CCZ1B: variants seen among roughly 807,000 people sequenced by gnomAD.
CCZ1B encodes vacuolar fusion protein CCZ1 homolog B.
A neutral mutation model predicts 58.8 loss-of-function variants in CCZ1B; 25 were observed. The observed-to-expected ratio is 0.43, with a 90% CI of 0.31 to 0.59. The LOEUF is 0.59. Ranked by LOEUF, CCZ1B falls within the 20% of genes least tolerant of loss-of-function variation. CCZ1B has a pLI of 0.12. For missense variants in CCZ1B, 180 were observed against 501.5 expected (o/e 0.36, Z 6.12); for synonymous variants, 66 against 173.2 (o/e 0.38, Z 4.86).
chr7:6,811,930 C>T, intron 10 of CCZ1B, 22 bp downstream of exon 10: 1 of 1,596,058 alleles, frequency 6.3e-7, no homozygotes, highest in Non-Finnish European at 8.5e-7. Flanking sequence ...ATCATTAACG[C>T]TGGAAGGAAA....
chr7:6,817,634 T>C (rs1168090459), intron 7 of CCZ1B, among the ~76,000 whole-genome samples: 1 of 149,866 alleles, frequency 6.7e-6, no homozygotes, highest in Non-Finnish European at 1.5e-5. Flanking sequence ...AATTTCACTT[T>C]AGTAACATTG....
rs1440794304 is a variant in CCZ1B, at chr7:6,820,353, C to T, written c.523-412G>A. On this transcript the variant is annotated intron_variant, in intron 6 of 14. Transcript: ENST00000316731. ...GCCACCATGCCCAGCTATTTTTTTC[C>T]ATTTTTAGTAGAGACAGGGTTTCAC... is the stretch of plus-strand genomic sequence containing the variant. Among the ~76,000 whole-genome samples the T allele has an allele frequency of 2.7e-5, 4 of 148,940 alleles. 1 individual carries two copies. Among genetic ancestry groups the T allele is most frequent in the African/African-American group, 1.0e-4 (4 of 39,460 alleles).
chr7:6,824,321 T>G (rs1234665248), intron 3 of CCZ1B, 134 bp downstream of exon 3: 1 of 1,413,248 alleles, frequency 7.1e-7, no homozygotes, highest in Non-Finnish European at 9.4e-7. Flanking sequence ...GAACTTGATT[T>G]TAAAATTGCA....
At chr7:6,822,015 G>A (rs1490669285) in intron 6 of CCZ1B, among the ~76,000 whole-genome samples, 3 of 149,398 alleles carry the variant, frequency 2.0e-5, no homozygotes, top group Non-Finnish European at 4.4e-5. Flanking sequence ...AAAACACAGG[G>A]AGGCCAAACG....
At chr7:6,815,452 T>G (rs1782985663) in intron 7 of CCZ1B, among the ~76,000 whole-genome samples, 1 of 149,344 alleles carries the variant, frequency 6.7e-6, no homozygotes, top group Non-Finnish European at 1.5e-5. Context: ...TGTGAGCCAC[T>G]GTGCCTGGTC....
At chr7:6,808,397 A>C (rs1782865924) in intron 10 of CCZ1B, among the ~76,000 whole-genome samples, 1 of 67,428 alleles carries the variant, frequency 1.5e-5, no homozygotes, top group African/African-American at 5.6e-5. Context: ...AAAAAAAAAA[A>C]ACAAAAAACA....
chr7:6,813,185 A>G lies in CCZ1B; in HGVS notation c.781-148T>C, dbSNP rs531646456. ...ATCTTGTTCTGTTGCCCAGGCTGGA[A>G]TGCATGCAGCATGATCATGGCTCAC... On this transcript the variant is annotated intron_variant, in intron 8 of 14. Coordinates refer to ENST00000316731, the MANE Select transcript of CCZ1B (RefSeq NM_198097.5). 1.4e-3 allele frequency: 2,033 copies of G among 1,486,190 alleles called. 35 individuals are homozygous for G. The highest frequency in any genetic ancestry group is 1.8e-3 in the Non-Finnish European group (1,921 of 1,089,568). The allele number at this position is 1,486,190 out of a possible 1,614,324, so 92.1% of individuals were successfully genotyped here.
chr7:6,813,189 A>G (rs28506947), intron 8 of CCZ1B, 152 bp from the exon 9 acceptor site: 50,822 of 1,420,490 alleles, frequency 0.036, 173 homozygotes, highest in East Asian at 0.19. Flanking sequence ...GCTGGAATGC[A>G]TGCAGCATGA....
chr7:6,814,516 CACACACAAAAAAACCAACACACAG>C (rs1475268154), intron 8 of CCZ1B: 1 of 370,724 alleles, frequency 2.7e-6, no homozygotes, highest in African/African-American at 2.2e-5. Context: ...CAAACAAAAA[CACACACAAAAAAACCAACACACAG>C]ACACACAAAA....
intron 7 of CCZ1B, among the ~76,000 whole-genome samples, chr7:6,819,533 C>G (rs1783074871): frequency 6.7e-6 from 1 of 149,128 alleles, no homozygotes; most frequent in South Asian, 2.1e-4. Context: ...CGTGCCCAGC[C>G]TTTCATCTTT....
At chr7:6,818,895 T>C (rs1300813777) in intron 7 of CCZ1B, among the ~76,000 whole-genome samples, 1 of 148,490 alleles carries the variant, frequency 6.7e-6, no homozygotes, top group East Asian at 1.9e-4. Flanking sequence ...GTGCCCACGT[T>C]GTTCCTACTG....
chr7:6,801,903 C>A (rs1268533172), intron 12 of CCZ1B, among the ~76,000 whole-genome samples: 1 of 119,574 alleles, frequency 8.4e-6, no homozygotes, highest in Non-Finnish European at 1.8e-5. Context: ...CAAAGTTTCA[C>A]GGGAACCTCG....
At chr7:6,800,718 A>G (rs1190679438) in intron 14 of CCZ1B, among the ~76,000 whole-genome samples, 5 of 142,656 alleles carry the variant, frequency 3.5e-5, no homozygotes, top group African/African-American at 1.4e-4. Flanking sequence ...TTTTTTTTTT[A>G]GAATTGTAGA....
At chr7:6,816,488 A>G (rs1338315264) in intron 7 of CCZ1B, among the ~76,000 whole-genome samples, 1 of 150,240 alleles carries the variant, frequency 6.7e-6, no homozygotes, top group Non-Finnish European at 1.5e-5. Flanking sequence ...CAGTCTCAAA[A>G]AAAAAAAATC....
intron 8 of CCZ1B, among the ~76,000 whole-genome samples, chr7:6,814,445 G>C (rs981145944): frequency 2.7e-5 from 4 of 149,810 alleles, no homozygotes; most frequent in African/African-American, 7.5e-5. Flanking sequence ...CCGAGGCAAG[G>C]AGAATTGCTT....
At chr7:6,801,174 CG>C in intron 13 of CCZ1B, 99 bp from the exon 14 acceptor site, 1 of 825,272 alleles carries the variant, frequency 1.2e-6, no homozygotes, top group Admixed American at 4.7e-5. Flanking sequence ...AACGGGCGCA[CG>C]TGGCATTTAA....
intron 7 of CCZ1B, among the ~76,000 whole-genome samples, chr7:6,817,635 A>T (rs1411412243): frequency 6.7e-6 from 1 of 149,870 alleles, no homozygotes; most frequent in Non-Finnish European, 1.5e-5. Flanking sequence ...ATTTCACTTT[A>T]GTAACATTGT....
chr7:6,804,349 G>C (rs1334947037), intron 12 of CCZ1B, among the ~76,000 whole-genome samples: 1 of 128,092 alleles, frequency 7.8e-6, no homozygotes, highest in Non-Finnish European at 1.6e-5. Flanking sequence ...CTTGAGCCTG[G>C]GAGGCGGAGG....
rs140135954 is a variant in CCZ1B at position 6,814,651 on chromosome 7, A to C, written c.780+113T>G. 127 of 957,528 alleles carry C rather than the reference A, an allele frequency of 1.3e-4. 15 individuals are homozygous for C. The African/African-American group carries it at 2.0e-3, about 15-fold the overall frequency. The allele number at this position is 957,528 out of a possible 1,614,324, so 59.3% of individuals were successfully genotyped here. A position where few individuals can be genotyped will look rare whatever the true frequency, so the allele number is the denominator to read the frequency against. ...ACAGTGACATAAATAACACACTAAG[A>C]CAAAACATACATCAGAAACGATCAG... On this transcript the variant is annotated intron_variant, in intron 8 of 14. Coordinates refer to ENST00000316731, the MANE Select transcript of CCZ1B (RefSeq NM_198097.5).
Sources: gnomAD v4.1 joint callset for allele counts (sites outside exome capture counted in the v4.1 genomes callset) on GRCh38, gnomAD v4.1.1 for gene constraint, MANE v1.5 for transcripts, NCBI Gene and HGNC (gene_info 2026-07-23, HGNC 2026-07-21) for gene names.